KLRF1: variants seen among roughly 807,000 people sequenced by gnomAD.
The protein encoded by KLRF1 is killer cell lectin-like receptor subfamily F member 1.
In KLRF1, 27 loss-of-function variants were observed where a neutral mutation model predicts 30.7. The observed-to-expected ratio is 0.88, with a 90% CI of 0.65 to 1.21. The LOEUF is 1.21. Among genes scored for constraint, KLRF1 ranks in the 50% most tolerant of loss-of-function variants. The probability of loss-of-function intolerance (pLI) is 0.00; values close to 1 mark genes in which losing one functional copy is unlikely to be tolerated. For synonymous variants in KLRF1, 92 were observed against 89.3 expected, an observed-to-expected ratio of 1.03 and a Z score of -0.17; for missense variants, 246 against 259.3, an observed-to-expected ratio of 0.95 and a Z score of 0.35.
the KLRF1 span, among the ~76,000 whole-genome samples, chr12:9,811,722 A>G: frequency 2.0e-5 from 3 of 152,244 alleles, no homozygotes; most frequent in African/African-American, 4.8e-5. Flanking sequence ...AATTAGGGAA[A>G]TGCAGCTTTC....
chr12:9,844,584 T>G lies in KLRF1; in HGVS notation c.*58T>G. The G allele has an allele frequency of 1.1e-6, 1 of 903,966 alleles. No homozygotes were observed. The highest frequency in any genetic ancestry group is 1.8e-6 in the Non-Finnish European group (1 of 567,162). The allele number at this position is 903,966 out of a possible 1,614,324, so 56.0% of individuals were successfully genotyped here. A position where few individuals can be genotyped will look rare whatever the true frequency, so the allele number is the denominator to read the frequency against. On this transcript the variant is annotated 3_prime_UTR_variant, in exon 6 of 6. Coordinates refer to ENST00000617889, the MANE Select transcript of KLRF1 (RefSeq NM_016523.3). ...GATCACTATTTTTGGCCTATTAGTTTCTAATATTAATCTCCAGGTGTAAGA... is the reference window on the plus strand; with the variant it reads ...GATCACTATTTTTGGCCTATTAGTTGCTAATATTAATCTCCAGGTGTAAGA...
At chr12:9,836,655 C>T (rs1867584375) in intron 3 of KLRF1, among the ~76,000 whole-genome samples, 1 of 152,080 alleles carries the variant, frequency 6.6e-6, no homozygotes, top group African/African-American at 2.4e-5. Context: ...CGTATTTCCT[C>T]CTTTATCATA....
intron 1 of KLRF1, 146 bp downstream of exon 1, chr12:9,827,775 C>G (rs930655849): frequency 2.1e-6 from 1 of 472,824 alleles, no homozygotes; most frequent in African/African-American, 2.0e-5. Context: ...TCCTCTCTTT[C>G]AATATTAATA....
At chr12:9,811,029 T>A in the KLRF1 span, among the ~76,000 whole-genome samples, 73 of 152,158 alleles carry the variant, frequency 4.8e-4, no homozygotes, top group African/African-American at 1.7e-3. Context: ...ATGGTGAGGC[T>A]GAAGGGAGTG....
intron 3 of KLRF1, 38 bp downstream of exon 3, chr12:9,833,490 T>C: frequency 6.5e-7 from 1 of 1,538,316 alleles, no homozygotes; most frequent in Non-Finnish European, 8.7e-7. Context: ...AGTTTTAATC[T>C]TTTGGACTCT....
the KLRF1 span, among the ~76,000 whole-genome samples, chr12:9,801,157 T>A: frequency 6.6e-6 from 1 of 152,112 alleles, no homozygotes; most frequent in Non-Finnish European, 1.5e-5. Context: ...TTCATTCATG[T>A]CCCTGAAAAG....
upstream of KLRF1, among the ~76,000 whole-genome samples, chr12:9,824,997 T>A (rs1867264198): frequency 6.6e-6 from 1 of 152,186 alleles, no homozygotes. Context: ...AAACATTCCA[T>A]GCTCATGGAT....
At chr12:9,837,242 A>C (rs1307886770) in intron 3 of KLRF1, among the ~76,000 whole-genome samples, 1 of 152,002 alleles carries the variant, frequency 6.6e-6, no homozygotes, top group Non-Finnish European at 1.5e-5. Flanking sequence ...TTCACTTAGC[A>C]TAATGTTTTT....
Position 9,833,901 on chromosome 12 carries a change from C to CTTTTTTTTTTTTT in KLRF1, c.334+462_334+474dup, listed in dbSNP as rs35443913. On this transcript the variant is annotated intron_variant, in intron 3 of 5. Transcript: ENST00000617889. ...TTACCTTCTATTTTTAAATGTTTAA[C>CTTTTTTTTTTTTT]TTTTTTTTTTTTTTTTTTTTTTTTT... 6.1e-4 allele frequency among the ~76,000 whole-genome samples: 50 copies of CTTTTTTTTTTTTT among 82,402 alleles called. 2 individuals carry two copies. The highest frequency in any genetic ancestry group is 2.7e-3 in the African/African-American group (49 of 18,060). 54.1% of individuals were successfully genotyped at this position (82,402 alleles called of 152,430 possible).
At chr12:9,842,709 G>A (rs1257384824) in intron 5 of KLRF1, among the ~76,000 whole-genome samples, 1 of 151,944 alleles carries the variant, frequency 6.6e-6, no homozygotes, top group Non-Finnish European at 1.5e-5. Context: ...AGGTCTCAAT[G>A]TTTTCTTTAG....
At chr12:9,808,656 A>G in the KLRF1 span, among the ~76,000 whole-genome samples, 21 of 152,186 alleles carry the variant, frequency 1.4e-4, no homozygotes, top group Non-Finnish European at 2.6e-4. Flanking sequence ...GGTTTGGTAG[A>G]CGTTTGAATC....
At chr12:9,842,870 T>C (rs924598953) in intron 5 of KLRF1, among the ~76,000 whole-genome samples, 4 of 152,118 alleles carry the variant, frequency 2.6e-5, no homozygotes, top group African/African-American at 7.2e-5. Context: ...AAAAGTTCTG[T>C]CAACATTTTT....
intron 4 of KLRF1, 101 bp downstream of exon 4, chr12:9,842,052 A>T (rs1352848083): frequency 7.5e-7 from 1 of 1,334,086 alleles, no homozygotes; most frequent in Non-Finnish European, 1.0e-6. Flanking sequence ...TACCTTGATT[A>T]TCGAGTTTTG....
chr12:9,825,260 T>TAAAA (rs35934573), upstream of KLRF1, among the ~76,000 whole-genome samples: 463 of 138,060 alleles, frequency 3.4e-3, 2 homozygotes, highest in African/African-American at 0.011. Context: ...AAGGTACTGG[T>TAAAA]AAAAAAAAAA....
At chr12:9,812,477 G>T in the KLRF1 span, among the ~76,000 whole-genome samples, 1 of 151,990 alleles carries the variant, frequency 6.6e-6, no homozygotes, top group South Asian at 2.1e-4. Flanking sequence ...TTGTCCGCTG[G>T]CATCAGGCAA....
chr12:9,812,467 T>C, the KLRF1 span, among the ~76,000 whole-genome samples: 40 of 151,602 alleles, frequency 2.6e-4, no homozygotes, highest in African/African-American at 9.2e-4. Context: ...GGGGAGAAGG[T>C]TGTCCGCTGG....
intron 3 of KLRF1, among the ~76,000 whole-genome samples, chr12:9,840,609 ATAATT>A (rs1443939671): frequency 6.6e-6 from 1 of 152,106 alleles, no homozygotes; most frequent in East Asian, 1.9e-4. Flanking sequence ...TATTCTTGAC[ATAATT>A]TAATCATTTA....
Position 9,832,418 on chromosome 12 carries a change from A to C in KLRF1, c.184+4A>C. On this transcript the variant is annotated splice_donor_region_variant and intron_variant, in intron 2 of 5. Transcript: ENST00000617889. Reference sequence around the variant, plus strand: ...TTGATCTCCTTGATCCTGTTGGGTAAGTTTAGAAGATCTTAATTAAATAAA... The same window carrying C: ...TTGATCTCCTTGATCCTGTTGGGTACGTTTAGAAGATCTTAATTAAATAAA... The C allele has an allele frequency of 6.8e-7, 1 of 1,475,236 alleles. No individual in the cohort carries two copies. The highest frequency in any genetic ancestry group is 9.5e-7 in the Non-Finnish European group (1 of 1,057,504). The allele number at this position is 1,475,236 out of a possible 1,614,324, so 91.4% of individuals were successfully genotyped here. A position where few individuals can be genotyped will look rare whatever the true frequency, so the allele number is the denominator to read the frequency against.
rs1867311635 is a variant in KLRF1 at position 9,827,648 on chromosome 12, T to A, written c.85+19T>A. On this transcript the variant is annotated intron_variant, in intron 1 of 5. Transcript: ENST00000617889. ...TTTAAAGGTATGGAATTTAATTTCA[T>A]TTTTTCAATTGGTGTGAATTAACAT... 1 of 1,408,102 alleles carries A rather than the reference T, an allele frequency of 7.1e-7. No homozygotes were observed. Among genetic ancestry groups the A allele is most frequent in the South Asian group, 1.2e-5 (1 of 86,116 alleles). 87.2% of individuals were successfully genotyped at this position (1,408,102 alleles called of 1,614,324 possible).
Sources: gnomAD v4.1 joint callset for allele counts (sites outside exome capture counted in the v4.1 genomes callset) on GRCh38, gnomAD v4.1.1 for gene constraint, MANE v1.5 for transcripts, NCBI Gene and HGNC (gene_info 2026-07-23, HGNC 2026-07-21) for gene names.